SPNS3: variants seen among roughly 807,000 people sequenced by gnomAD.
The protein encoded by SPNS3 is protein spinster homolog 3.
Under a neutral mutation model 54.4 loss-of-function variants are expected in SPNS3, and 51 were observed. That is an observed-to-expected ratio of 0.94 (90% CI 0.75 to 1.18). The LOEUF is 1.18. SPNS3 is among the 50% of genes most tolerant of loss of function. The probability of loss-of-function intolerance (pLI) is 0.00; values close to 1 mark genes in which losing one functional copy is unlikely to be tolerated. For synonymous variants in SPNS3, 309 were observed against 294.7 expected, an observed-to-expected ratio of 1.05 and a Z score of -0.50; for missense variants, 669 against 677.4, an observed-to-expected ratio of 0.99 and a Z score of 0.14.
chr17:4,449,272 AT>A lies in SPNS3; in HGVS notation c.809del (p.Met270ArgfsTer4). 6.2e-7 allele frequency: 1 copy of A among 1,612,532 alleles called. No homozygotes were observed. The highest frequency in any genetic ancestry group is 8.5e-7 in the Non-Finnish European group (1 of 1,179,890). On this transcript the variant is annotated frameshift_variant, in exon 7 of 12. Transcript: ENST00000355530. LOFTEE classifies it high-confidence loss of function. ...GTGGTCGACCCTCGGAGTGACCGCC[AT>A]GGCCTTTGTGACTGGAGCCCTGGGG... ...FVWSTLGVTAMAFVTGALGFW... is the reference protein window; with the variant it reads ...FVWSTLGVTAXAFVTGALGFW...
intron 8 of SPNS3, among the ~76,000 whole-genome samples, chr17:4,476,302 C>T (rs1971999358): frequency 6.6e-6 from 1 of 152,238 alleles, no homozygotes; most frequent in African/African-American, 2.4e-5. Flanking sequence ...CTTCTTCAGC[C>T]TGAAAGGCCC....
At chr17:4,467,033 G>A (rs577913616) in intron 8 of SPNS3, among the ~76,000 whole-genome samples, 44 of 152,166 alleles carry the variant, frequency 2.9e-4, no homozygotes, top group Non-Finnish European at 4.3e-4. Flanking sequence ...GCGGGGAAGC[G>A]CAGTCCATGC....
chr17:4,476,976 C>T (rs114095927), intron 8 of SPNS3, among the ~76,000 whole-genome samples: 496 of 152,340 alleles, frequency 3.3e-3, no homozygotes, highest in African/African-American at 0.011. Flanking sequence ...GTCCTGGGCC[C>T]GTCCTGATCC....
chr17:4,472,687 G>A (rs1359263012), intron 8 of SPNS3, among the ~76,000 whole-genome samples: 1 of 151,182 alleles, frequency 6.6e-6, no homozygotes, highest in Non-Finnish European at 1.5e-5. Flanking sequence ...TCCAGATATG[G>A]GGGTTTTAGT....
chr17:4,441,793 G>C (rs1210187265), intron 2 of SPNS3, among the ~76,000 whole-genome samples: 1 of 138,860 alleles, frequency 7.2e-6, no homozygotes, highest in South Asian at 2.3e-4. Flanking sequence ...GATGGTGGGG[G>C]TGTGTTGGGG....
At chr17:4,436,458 G>A (rs1444673357) in intron 1 of SPNS3, among the ~76,000 whole-genome samples, 1 of 152,104 alleles carries the variant, frequency 6.6e-6, no homozygotes, top group Non-Finnish European at 1.5e-5. Flanking sequence ...GCCAGGGACA[G>A]TGATGTCTTC....
At position 4,477,729 on chromosome 17, in the gene SPNS3, C is replaced by T. The variant is rs374420218; in HGVS notation, c.1114-843C>T. 3.8e-4 allele frequency among the ~76,000 whole-genome samples: 58 copies of T among 152,242 alleles called. No homozygotes were observed. The South Asian group carries it at 8.5e-3, about 22-fold the overall frequency. On this transcript the variant is annotated intron_variant, in intron 8 of 11. Coordinates refer to ENST00000355530, the MANE Select transcript of SPNS3 (RefSeq NM_182538.5). ...GACAAGCCCCGTCCTCGACCAGGCT[C>T]GGTTTGACTGTCCGCATGATGGGTG...
intron 5 of SPNS3, among the ~76,000 whole-genome samples, chr17:4,447,387 A>G (rs1013600131): frequency 5.3e-5 from 8 of 152,232 alleles, no homozygotes; most frequent in Non-Finnish European, 1.0e-4. Context: ...ATGCTCAAGA[A>G]GATGCCGGGC....
In SPNS3 at chr17:4,486,457, C is replaced by A. The variant is rs142399682; in HGVS notation, c.1324C>A (p.Arg442Ser). The A allele has an allele frequency of 6.2e-7, 1 of 1,612,576 alleles. No individual in the cohort carries two copies. Among genetic ancestry groups the A allele is most frequent in the African/African-American group, 1.3e-5 (1 of 74,920 alleles). Residue 442 changes from arginine to serine, a missense_variant, in exon 11 of 12, where the codon CGC (arginine) becomes AGC (serine). Coordinates refer to ENST00000355530, the MANE Select transcript of SPNS3 (RefSeq NM_182538.5). The surrounding 1 kb of genome is among the most constrained non-coding windows in gnomAD (Gnocchi z 5.5). ...CAGGCGCCCTGACTCCTATCTGCAG[C>A]GCTTCCGCAGCCTGCAGCAGAGCTT... ...RARRPDSYLQ[R>S]FRSLQQSFLC... is the part of the protein sequence containing the mutation.
rs1567557221 is a variant in SPNS3 at position 4,448,190 on chromosome 17, G to A, written c.657G>A (p.Leu219=). 1.2e-6 allele frequency: 2 copies of A among 1,604,570 alleles called. No homozygotes were observed. The highest frequency in any genetic ancestry group is 1.7e-6 in the Non-Finnish European group (2 of 1,175,878). Residue 219 remains leucine, a synonymous_variant, in exon 6 of 12, where the codon CTG becomes CTA. Transcript: ENST00000355530. The part of the protein sequence containing the change: ...MPCLEAVALI[L]LILLVPDPPR... ...GCCTGGAGGCCGTGGCCTTGATCCT[G>A]CTTATCCTGCTGGTTCCAGACCCAC...
chr17:4,439,800 G>C, intron 2 of SPNS3, 77 bp downstream of exon 2: 1 of 1,375,724 alleles, frequency 7.3e-7, no homozygotes, highest in East Asian at 2.4e-5. Context: ...GTCATGTTCT[G>C]TGCCCAGCTC....
Position 4,478,597 on chromosome 17 carries a change from T to G in SPNS3, c.1139T>G (p.Leu380Arg). The change falls in exon 9 of 12, where the codon CTT becomes CGT. Residue 380 changes from leucine (L) to arginine (R), a missense_variant. By Grantham distance (102) the Leu-to-Arg change is moderately radical (BLOSUM62 -2). Coordinates refer to ENST00000355530, the MANE Select transcript of SPNS3 (RefSeq NM_182538.5). The part of the protein sequence containing the change: ...SYVFLGLGEL[L>R]LSCNWAVVAD... ...GTGTTCCTGGGCCTTGGGGAGCTGC[T>G]TCTGTCCTGCAACTGGGCAGTGGTT... The G allele has an allele frequency of 6.3e-7, 1 of 1,586,764 alleles. No homozygotes were observed. Among genetic ancestry groups the G allele is most frequent in the Non-Finnish European group, 8.6e-7 (1 of 1,166,384 alleles).
At chr17:4,460,222 G>A (rs1971459437) in intron 8 of SPNS3, among the ~76,000 whole-genome samples, 1 of 152,098 alleles carries the variant, frequency 6.6e-6, no homozygotes, top group African/African-American at 2.4e-5. Context: ...GGATGTTGTG[G>A]GCATTGGGTG....
chr17:4,461,774 G>A (rs988839499), intron 8 of SPNS3, among the ~76,000 whole-genome samples: 2 of 152,146 alleles, frequency 1.3e-5, no homozygotes, highest in East Asian at 3.8e-4. Flanking sequence ...TGGAACCGGG[G>A]AGGGCCCATT....
At chr17:4,435,455 A>T (rs556929409) in intron 1 of SPNS3, among the ~76,000 whole-genome samples, 3,985 of 145,974 alleles carry the variant, frequency 0.027, 205 homozygotes, top group African/African-American at 0.098. Context: ...AAAAAAAAAT[A>T]AAAAATAAAA....
intron 8 of SPNS3, among the ~76,000 whole-genome samples, chr17:4,463,949 C>T (rs1036263572): frequency 6.6e-6 from 1 of 152,176 alleles, no homozygotes; most frequent in South Asian, 2.1e-4. Flanking sequence ...GTGGGACGTG[C>T]CTGTGTGCAC....
Position 4,455,918 on chromosome 17 carries a change from G to T in SPNS3, c.1113+2713G>T, listed in dbSNP as rs532705608. Among the ~76,000 whole-genome samples the T allele has an allele frequency of 3.0e-3, 54 of 18,042 alleles. 1 individual carries two copies. The South Asian group carries it at 0.034, about 11-fold the overall frequency. 11.8% of individuals were successfully genotyped at this position (18,042 alleles called of 152,430 possible). A position where few individuals can be genotyped will look rare whatever the true frequency, so the allele number is the denominator to read the frequency against. On this transcript the variant is annotated intron_variant, in intron 8 of 11. Coordinates refer to ENST00000355530, the MANE Select transcript of SPNS3 (RefSeq NM_182538.5). ...CTTCCTGGCAAGCACTGCCCTCTGT[G>T]GGGGGGGGGTGAGTGTCACCTGAAG...
Position 4,445,013 on chromosome 17 carries a change from C to T in SPNS3, c.266-19C>T, listed in dbSNP as rs115291843. ...ACGGTCGTGGGGGGATCCAGGCTGC[C>T]CCTGTGTGTCTCCTTCAGTCTTCGT... On this transcript the variant is annotated intron_variant, in intron 2 of 11. Coordinates refer to ENST00000355530, the MANE Select transcript of SPNS3 (RefSeq NM_182538.5). 236 of 1,610,248 alleles carry T rather than the reference C, an allele frequency of 1.5e-4. 2 individuals carry two copies. The African/African-American group carries it at 2.9e-3, about 20-fold the overall frequency.
chr17:4,464,998 T>C (rs549931596), intron 8 of SPNS3, among the ~76,000 whole-genome samples: 193 of 152,358 alleles, frequency 1.3e-3, no homozygotes, highest in African/African-American at 4.5e-3. Context: ...TTCTAATTAC[T>C]ATGCATATGT....
Sources: allele counts gnomAD v4.1 joint callset (sites outside exome capture counted in the v4.1 genomes callset), GRCh38; gene constraint gnomAD v4.1.1; non-coding constraint Gnocchi (gnomAD v3.1); transcripts MANE v1.5; gene names NCBI Gene and HGNC (gene_info 2026-07-23, HGNC 2026-07-21).